The following CRTC3 variants were observed in gnomAD, a reference collection of about 807,000 sequenced individuals.
CRTC3 encodes the protein CREB-regulated transcription coactivator 3.
Under a neutral mutation model 74.5 loss-of-function variants are expected in CRTC3, and 26 were observed. The observed-to-expected ratio is 0.35, with a 90% CI of 0.26 to 0.48. The LOEUF is 0.48. Among genes scored for constraint, CRTC3 ranks in the 20% least tolerant of loss-of-function variants. The pLI, the probability that CRTC3 is intolerant of heterozygous loss-of-function variation, is 0.99. For missense variants in CRTC3, 760 were observed against 787.3 expected (o/e 0.97, Z 0.41); for synonymous variants, 377 against 325.8 (o/e 1.16, Z -1.69).
intron 2 of CRTC3, among the ~76,000 whole-genome samples, chr15:90,580,156 T>G (rs993302352): frequency 6.6e-6 from 1 of 152,204 alleles, no homozygotes; most frequent in African/African-American, 2.4e-5. Context: ...CTAATCTGAG[T>G]TCCCATAAAT....
intron 2 of CRTC3, among the ~76,000 whole-genome samples, chr15:90,590,986 G>C (rs1356238316): frequency 6.6e-6 from 1 of 152,010 alleles, no homozygotes; most frequent in African/African-American, 2.4e-5. Context: ...ACAAGGTCTT[G>C]CTCTGTTGCT....
chr15:90,547,750 T>C (rs1966846818), intron 2 of CRTC3, among the ~76,000 whole-genome samples: 1 of 152,134 alleles, frequency 6.6e-6, no homozygotes, highest in Admixed American at 6.6e-5. Flanking sequence ...TTCTGCTTAG[T>C]GGAGGGATAG....
intron 2 of CRTC3, among the ~76,000 whole-genome samples, chr15:90,570,370 T>C (rs1967234454): frequency 6.6e-6 from 1 of 152,158 alleles, no homozygotes; most frequent in South Asian, 2.1e-4. Flanking sequence ...GTATCTCATG[T>C]GGGTTTCTTC....
In CRTC3 at chr15:90,559,933, A is replaced by T. The variant is rs188400388; in HGVS notation, c.231+19796A>T. 1.6e-3 allele frequency among the ~76,000 whole-genome samples: 247 copies of T among 152,268 alleles called. 4 individuals are homozygous for T. The highest frequency in any genetic ancestry group is 0.015 in the Admixed American group (236 of 15,302). ...GTTGGGATTACAGGCGTGAGCCACC[A>T]TGTCTGGCCTTTTTCATGTATTTAC... On this transcript the variant is annotated intron_variant, in intron 2 of 14. Coordinates refer to ENST00000268184, the MANE Select transcript of CRTC3 (RefSeq NM_022769.5).
chr15:90,622,594 T>C (rs1968689206), intron 9 of CRTC3, among the ~76,000 whole-genome samples: 1 of 152,214 alleles, frequency 6.6e-6, no homozygotes, highest in African/African-American at 2.4e-5. Context: ...CTCATGCCTG[T>C]AATCGCAGCA....
chr15:90,586,557 G>T (rs1967669709), intron 2 of CRTC3, among the ~76,000 whole-genome samples: 1 of 151,534 alleles, frequency 6.6e-6, no homozygotes, highest in South Asian at 2.1e-4. Context: ...GTAGAGACGG[G>T]GTTTCTGTTG....
intron 6 of CRTC3, among the ~76,000 whole-genome samples, chr15:90,608,800 C>G (rs1968292279): frequency 1.3e-5 from 2 of 152,244 alleles, no homozygotes; most frequent in South Asian, 4.1e-4. Context: ...AAAACACCCT[C>G]TCGGTGCTGG....
At chr15:90,627,661 G>A (rs557253760) in intron 10 of CRTC3, among the ~76,000 whole-genome samples, 5 of 149,014 alleles carry the variant, frequency 3.4e-5, no homozygotes, top group South Asian at 2.1e-4. Context: ...TTGCTGTGTC[G>A]CCCAGGCTGG....
chr15:90,630,447 C>T (rs552920113), intron 11 of CRTC3, among the ~76,000 whole-genome samples: 9 of 152,174 alleles, frequency 5.9e-5, no homozygotes, highest in Admixed American at 3.9e-4. Flanking sequence ...GTCACCCACC[C>T]ATACAAAAAA....
chr15:90,538,765 A>G (rs890514020), intron 1 of CRTC3, among the ~76,000 whole-genome samples: 3 of 124,952 alleles, frequency 2.4e-5, no homozygotes, highest in Non-Finnish European at 3.2e-5. Flanking sequence ...TGGTAAACCA[A>G]ACTTCACCTT....
rs2151083724 is a variant in CRTC3, at chr15:90,606,644, A to G, written c.477-734A>G. 2 of 152,360 alleles carry G rather than the reference A, an allele frequency of 1.3e-5. 1 individual carries two copies. Among genetic ancestry groups the G allele is most frequent in the South Asian group, 4.1e-4 (2 of 4,828 alleles). The allele number at this position is 152,360 out of a possible 1,614,324, so 9.4% of individuals were successfully genotyped here. A position where few individuals can be genotyped will look rare whatever the true frequency, so the allele number is the denominator to read the frequency against. On this transcript the variant is annotated intron_variant, in intron 5 of 14. Transcript: ENST00000268184. ...TTATGTGAGAATATCTATTGATATT[A>G]GAAATTAAACTGAGAGATTTTTTAA...
chr15:90,537,459 C>T (rs559141116), intron 1 of CRTC3, among the ~76,000 whole-genome samples: 9 of 152,222 alleles, frequency 5.9e-5, no homozygotes, highest in Non-Finnish European at 7.3e-5. Context: ...TCTCGGCTCA[C>T]GGCAAGCTCC....
At chr15:90,607,085 C>T (rs1968242288) in intron 5 of CRTC3, among the ~76,000 whole-genome samples, 1 of 152,152 alleles carries the variant, frequency 6.6e-6, no homozygotes, top group African/African-American at 2.4e-5. Flanking sequence ...ATAGGAAGCT[C>T]TTAGACGGAA....
chr15:90,555,679 A>T (rs1431903643), intron 2 of CRTC3, among the ~76,000 whole-genome samples: 1 of 152,012 alleles, frequency 6.6e-6, no homozygotes, highest in African/African-American at 2.4e-5. Flanking sequence ...CACCATGCCC[A>T]GTTAATTTTT....
intron 11 of CRTC3, among the ~76,000 whole-genome samples, chr15:90,636,005 C>A (rs1188377087): frequency 2.0e-5 from 3 of 152,050 alleles, no homozygotes; most frequent in African/African-American, 7.3e-5. Context: ...AGATTCAATG[C>A]CATCCCCATC....
chr15:90,584,574 A>G (rs1596101773), intron 2 of CRTC3, among the ~76,000 whole-genome samples: 1 of 152,140 alleles, frequency 6.6e-6, no homozygotes, highest in Non-Finnish European at 1.5e-5. Context: ...TGGTCTCATT[A>G]TGTCGTCCAG....
chr15:90,608,599 A>T (rs1376788070), intron 6 of CRTC3, among the ~76,000 whole-genome samples: 1 of 152,126 alleles, frequency 6.6e-6, no homozygotes, highest in Non-Finnish European at 1.5e-5. Context: ...CTCTCTTAGC[A>T]CCTGCAATGC....
chr15:90,617,820 C>T (rs1968532880), intron 7 of CRTC3, 63 bp from the exon 8 acceptor site: 5 of 1,130,604 alleles, frequency 4.4e-6, no homozygotes, highest in East Asian at 2.4e-5. Flanking sequence ...CGTGAGCCAC[C>T]GTGCCCGGCC....
intron 2 of CRTC3, among the ~76,000 whole-genome samples, chr15:90,589,514 A>C (rs1337709140): frequency 1.3e-5 from 2 of 151,996 alleles, no homozygotes; most frequent in Non-Finnish European, 2.9e-5. Context: ...ACATCACCAC[A>C]CCAGCTAATT....
Sources: allele counts gnomAD v4.1 joint callset (sites outside exome capture counted in the v4.1 genomes callset), GRCh38; gene constraint gnomAD v4.1.1; transcripts MANE v1.5; gene names NCBI Gene and HGNC (gene_info 2026-07-23, HGNC 2026-07-21).